The following XKR9 variants were observed in gnomAD, a reference collection of about 807,000 sequenced individuals.
XKR9 encodes the protein XK related 9.
In XKR9, 32 loss-of-function variants were observed where a neutral mutation model predicts 32.0. That is an observed-to-expected ratio of 1.00 (90% confidence interval 0.76 to 1.34). The LOEUF (loss-of-function observed/expected upper bound fraction) is 1.34, where lower values mean the gene tolerates loss of function less well. Among genes scored for constraint, XKR9 ranks in the 40% most tolerant of loss-of-function variants. The probability of loss-of-function intolerance (pLI) is 0.00; values close to 1 mark genes in which losing one functional copy is unlikely to be tolerated. For synonymous variants in XKR9, 168 were observed against 143.4 expected, an observed-to-expected ratio of 1.17 and a Z score of -1.22; for missense variants, 546 against 429.7, an observed-to-expected ratio of 1.27 and a Z score of -2.39.
chr8:70,898,015 T>C, the XKR9 span, among the ~76,000 whole-genome samples: 1 of 152,232 alleles, frequency 6.6e-6, no homozygotes, highest in Non-Finnish European at 1.5e-5. Flanking sequence ...TTTTCCCCAA[T>C]GTTTTCTTTC....
chr8:70,681,307 C>A lies in XKR9; in HGVS notation c.249C>A (p.Cys83Ter), dbSNP rs781438427. Residue 83 changes from cysteine to a stop codon, truncating the protein, a stop_gained, in exon 3 of 5, where the codon TGC (cysteine) becomes TGA (stop). Coordinates refer to ENST00000408926, the MANE Select transcript of XKR9 (RefSeq NM_001011720.2). LOFTEE classifies it high-confidence loss of function. ...ESQHCFLLLH[C>*]LQGGVFTRYW... Reference sequence around the variant, plus strand: ...AGCATTGTTTTCTTCTACTTCATTGCTTGCAAGGAGGAGTTTTTACAAGGT... The same window carrying A: ...AGCATTGTTTTCTTCTACTTCATTGATTGCAAGGAGGAGTTTTTACAAGGT... The A allele has an allele frequency of 9.9e-6, 16 of 1,612,204 alleles. No homozygotes were observed. The highest frequency in any genetic ancestry group is 1.7e-5 in the Admixed American group (1 of 59,772).
the XKR9 span, among the ~76,000 whole-genome samples, chr8:71,002,603 T>C: frequency 1.3e-5 from 2 of 152,212 alleles, no homozygotes; most frequent in Non-Finnish European, 2.9e-5. Flanking sequence ...TTATTGATAC[T>C]ATTGTAACTA....
At chr8:70,906,894 A>G in the XKR9 span, among the ~76,000 whole-genome samples, 1 of 152,160 alleles carries the variant, frequency 6.6e-6, no homozygotes, top group Non-Finnish European at 1.5e-5. Flanking sequence ...AACTTTATAT[A>G]TAGTAACATT....
chr8:70,906,049 A>G, the XKR9 span, among the ~76,000 whole-genome samples: 6 of 152,326 alleles, frequency 3.9e-5, no homozygotes, highest in East Asian at 7.7e-4. Flanking sequence ...ACTGGGAGGC[A>G]TCTCCCAGTT....
the XKR9 span, among the ~76,000 whole-genome samples, chr8:70,807,910 G>A: frequency 6.6e-6 from 1 of 152,104 alleles, no homozygotes; most frequent in Non-Finnish European, 1.5e-5. Context: ...GGATCAAGTG[G>A]ATCTAATAGA....
the XKR9 span, among the ~76,000 whole-genome samples, chr8:70,850,369 C>T: frequency 1.4e-5 from 2 of 146,638 alleles, no homozygotes; most frequent in Admixed American, 7.2e-5. Context: ...GAGGCTGAGG[C>T]AGGAGAATGG....
At chr8:70,707,277 A>T (rs1768727703) in intron 4 of XKR9, 124 bp downstream of exon 4, 1 of 684,510 alleles carries the variant, frequency 1.5e-6, no homozygotes, top group African/African-American at 1.8e-5. Context: ...TTTGAAAAGG[A>T]AGTACAGTAA....
the XKR9 span, among the ~76,000 whole-genome samples, chr8:70,859,015 CA>C: frequency 6.6e-6 from 1 of 151,960 alleles, no homozygotes; most frequent in Admixed American, 6.6e-5. Flanking sequence ...AGGATGACAT[CA>C]AGCTAAGAAG....
the XKR9 span, among the ~76,000 whole-genome samples, chr8:70,822,945 A>C: frequency 6.6e-6 from 1 of 152,230 alleles, no homozygotes; most frequent in Non-Finnish European, 1.5e-5. Context: ...AAAACACCAA[A>C]TACAGTGCAT....
intron 4 of XKR9, among the ~76,000 whole-genome samples, chr8:70,730,181 A>T (rs1400476249): frequency 2.0e-5 from 3 of 152,156 alleles, no homozygotes; most frequent in Non-Finnish European, 4.4e-5. Flanking sequence ...CCATTTACCC[A>T]AAGGGGCAAA....
chr8:70,815,253 T>G, the XKR9 span, among the ~76,000 whole-genome samples: 2 of 152,170 alleles, frequency 1.3e-5, no homozygotes, highest in Non-Finnish European at 2.9e-5. Context: ...TTGTACAGAT[T>G]ATTTCATCAC....
At chr8:70,823,270 C>T in the XKR9 span, among the ~76,000 whole-genome samples, 1 of 152,174 alleles carries the variant, frequency 6.6e-6, no homozygotes, top group Non-Finnish European at 1.5e-5. Context: ...ACATATTTGG[C>T]ATAACTAAGT....
chr8:70,717,302 C>A (rs751295030), intron 4 of XKR9, among the ~76,000 whole-genome samples: 1 of 152,162 alleles, frequency 6.6e-6, no homozygotes, highest in Non-Finnish European at 1.5e-5. Flanking sequence ...GAGCTCCAAC[C>A]CCACATTTCC....
chr8:70,890,935 TG>T, the XKR9 span, among the ~76,000 whole-genome samples: 1 of 152,088 alleles, frequency 6.6e-6, no homozygotes, highest in East Asian at 1.9e-4. Context: ...GGCTTTTCTT[TG>T]TTGGGAGACT....
intron 2 of XKR9, among the ~76,000 whole-genome samples, chr8:70,786,006 A>G (rs1807683488): frequency 6.6e-6 from 1 of 151,858 alleles, no homozygotes; most frequent in African/African-American, 2.4e-5. Context: ...ATAGTTTTAA[A>G]TTTCCCTTTT....
At chr8:70,927,780 A>G in the XKR9 span, among the ~76,000 whole-genome samples, 21 of 152,246 alleles carry the variant, frequency 1.4e-4, no homozygotes, top group Non-Finnish European at 3.1e-4. Flanking sequence ...TCAAAACATA[A>G]CACTGTCCAT....
At chr8:70,926,859 C>T in the XKR9 span, among the ~76,000 whole-genome samples, 3 of 152,104 alleles carry the variant, frequency 2.0e-5, no homozygotes, top group East Asian at 5.8e-4. Context: ...GGTTTTACAA[C>T]TAATCTTGCC....
chr8:70,873,699 G>A, the XKR9 span, among the ~76,000 whole-genome samples: 1 of 152,172 alleles, frequency 6.6e-6, no homozygotes, highest in African/African-American at 2.4e-5. Flanking sequence ...TGAATCTACT[G>A]GTGAAGATGC....
the XKR9 span, among the ~76,000 whole-genome samples, chr8:71,008,634 T>G: frequency 6.6e-6 from 1 of 152,160 alleles, no homozygotes; most frequent in Non-Finnish European, 1.5e-5. Flanking sequence ...TTATTTTATT[T>G]TTTTACTTTT....
Sources: gnomAD v4.1 joint callset for allele counts (sites outside exome capture counted in the v4.1 genomes callset) on GRCh38, gnomAD v4.1.1 for gene constraint, MANE v1.5 for transcripts, NCBI Gene and HGNC (gene_info 2026-07-23, HGNC 2026-07-21) for gene names.